Variants in CHCHD6 observed in about 807,000 individuals in gnomAD.
The protein encoded by CHCHD6 is coiled-coil-helix-coiled-coil-helix domain containing 6.
In CHCHD6, 28 loss-of-function variants were observed where a neutral mutation model predicts 32.3. The ratio of observed to expected loss-of-function variants is 0.87; its 90% confidence interval spans 0.64 to 1.19. CHCHD6 has a LOEUF of 1.19. CHCHD6 is among the 50% of genes most tolerant of loss of function. The pLI is 0.00. For missense variants in CHCHD6, 333 were observed against 307.0 expected, an observed-to-expected ratio of 1.08 and a Z score of -0.63; for synonymous variants, 122 against 117.5, an observed-to-expected ratio of 1.04 and a Z score of -0.25.
intron 2 of CHCHD6, 22 bp from the exon 3 acceptor site, chr3:126,730,539 C>G (rs773939758): frequency 5.6e-6 from 9 of 1,610,708 alleles, no homozygotes; most frequent in South Asian, 1.1e-5. Context: ...CTGACAGGCC[C>G]TTTCTTCTCT....
intron 5 of CHCHD6, among the ~76,000 whole-genome samples, chr3:126,897,085 A>C (rs546700202): frequency 6.6e-6 from 1 of 152,336 alleles, no homozygotes; most frequent in East Asian, 1.9e-4. Flanking sequence ...GATGAGGGGC[A>C]GAGCATCAGT....
chr3:126,787,292 T>C (rs1186567824), intron 4 of CHCHD6, among the ~76,000 whole-genome samples: 13 of 152,204 alleles, frequency 8.5e-5, no homozygotes, highest in East Asian at 1.9e-4. Flanking sequence ...GGCTTAGGAT[T>C]GACTTGGCAA....
At position 126,726,967 on chromosome 3, in the gene CHCHD6, C is replaced by G. The variant is rs889888148; in HGVS notation, c.88-111C>G. On this transcript the variant is annotated intron_variant, in intron 1 of 7. Coordinates refer to ENST00000290913, the MANE Select transcript of CHCHD6 (RefSeq NM_032343.3). ...GTAGAATTGCTTTGTTGGAGTTGGTCTTGAGGAAGCAGCGCATTCAGTAAA... is the reference window on the plus strand; with the variant it reads ...GTAGAATTGCTTTGTTGGAGTTGGTGTTGAGGAAGCAGCGCATTCAGTAAA... 7.7e-5 allele frequency: 57 copies of G among 737,660 alleles called. No homozygotes were observed. In the African/African-American group the frequency reaches 9.9e-4, roughly 13 times the overall value. 45.7% of individuals were successfully genotyped at this position (737,660 alleles called of 1,614,324 possible). A position where few individuals can be genotyped will look rare whatever the true frequency, so the allele number is the denominator to read the frequency against.
At chr3:126,868,187 T>C (rs1942353203) in intron 5 of CHCHD6, among the ~76,000 whole-genome samples, 1 of 152,214 alleles carries the variant, frequency 6.6e-6, no homozygotes, top group Non-Finnish European at 1.5e-5. Flanking sequence ...AGAGTCCAGC[T>C]CAGGTCCTGG....
intron 5 of CHCHD6, among the ~76,000 whole-genome samples, chr3:126,864,527 ACCTCCTCCTCCTTCTCCACCTCCT>A (rs1942161386): frequency 4.4e-5 from 5 of 113,762 alleles, no homozygotes; most frequent in African/African-American, 6.9e-5. Flanking sequence ...CACCTCCACC[ACCTCCTCCTCCTTCTCCACCTCCT>A]CCTCCTCCTC....
At chr3:126,810,562 T>A (rs1379866742) in intron 4 of CHCHD6, among the ~76,000 whole-genome samples, 1 of 152,198 alleles carries the variant, frequency 6.6e-6, no homozygotes, top group Non-Finnish European at 1.5e-5. Flanking sequence ...CACCTAGGAT[T>A]GGGTACTAGA....
intron 5 of CHCHD6, among the ~76,000 whole-genome samples, chr3:126,859,525 A>C (rs1019958711): frequency 2.6e-5 from 4 of 152,184 alleles, no homozygotes; most frequent in African/African-American, 9.7e-5. Context: ...TCAGACAGGG[A>C]GTTCTGTGTC....
At chr3:126,870,945 T>G (rs1005572515) in intron 5 of CHCHD6, among the ~76,000 whole-genome samples, 1 of 152,236 alleles carries the variant, frequency 6.6e-6, no homozygotes, top group Admixed American at 6.5e-5. Flanking sequence ...CATCTTCCCA[T>G]TTTGTCTGAA....
At chr3:126,735,191 C>G (rs890590759) in intron 4 of CHCHD6, among the ~76,000 whole-genome samples, 4 of 152,092 alleles carry the variant, frequency 2.6e-5, no homozygotes, top group Admixed American at 2.0e-4. Context: ...AAGATTACAA[C>G]CTACAGGTCT....
chr3:126,791,740 G>A (rs929661416), intron 4 of CHCHD6, among the ~76,000 whole-genome samples: 1 of 152,218 alleles, frequency 6.6e-6, no homozygotes, highest in Non-Finnish European at 1.5e-5. Context: ...CTCCCAAGTA[G>A]CTGGGATTAC....
At chr3:126,766,018 G>A (rs996761127) in intron 4 of CHCHD6, among the ~76,000 whole-genome samples, 6 of 152,134 alleles carry the variant, frequency 3.9e-5, no homozygotes, top group African/African-American at 1.4e-4. Context: ...TCCTGTAAGG[G>A]ACATTTTTTC....
At chr3:126,883,753 G>A (rs2107574404) in intron 5 of CHCHD6, among the ~76,000 whole-genome samples, 1 of 152,304 alleles carries the variant, frequency 6.6e-6, no homozygotes, top group African/African-American at 2.4e-5. Context: ...CTAATTCTAA[G>A]CCTGTTTTCT....
At chr3:126,892,120 C>G (rs139317560) in intron 5 of CHCHD6, among the ~76,000 whole-genome samples, 3 of 152,212 alleles carry the variant, frequency 2.0e-5, no homozygotes, top group Admixed American at 6.5e-5. Flanking sequence ...AGCAAGACAC[C>G]GGGGGGATCC....
chr3:126,812,397 C>T (rs1317197848), intron 4 of CHCHD6, among the ~76,000 whole-genome samples: 2 of 149,364 alleles, frequency 1.3e-5, no homozygotes, highest in African/African-American at 2.5e-5. Context: ...TCTAGTATAA[C>T]CCAAGATGTT....
At position 126,831,084 on chromosome 3, in the gene CHCHD6, C is replaced by T. The variant is rs1055717687; in HGVS notation, c.412-21563C>T. On this transcript the variant is annotated intron_variant, in intron 4 of 7. Coordinates refer to ENST00000290913, the MANE Select transcript of CHCHD6 (RefSeq NM_032343.3). Reference sequence around the variant, plus strand: ...TTTTGCTCAGGCTGGAGTGTGGTGGCGCAATCTCAGCTCACTGCAAGCTCC... The same window carrying T: ...TTTTGCTCAGGCTGGAGTGTGGTGGTGCAATCTCAGCTCACTGCAAGCTCC... 3.3e-5 allele frequency among the ~76,000 whole-genome samples: 5 copies of T among 151,282 alleles called. No homozygotes were observed. The East Asian group carries it at 5.8e-4, about 18-fold the overall frequency.
intron 5 of CHCHD6, among the ~76,000 whole-genome samples, chr3:126,884,565 G>A (rs896213822): frequency 6.6e-6 from 1 of 152,182 alleles, no homozygotes; most frequent in African/African-American, 2.4e-5. Context: ...AAAAGCAGGT[G>A]TGTTGTTTTC....
chr3:126,778,926 ATTTT>A (rs71150453), intron 4 of CHCHD6, among the ~76,000 whole-genome samples: 4 of 133,140 alleles, frequency 3.0e-5, no homozygotes, highest in African/African-American at 2.8e-5. Context: ...GGCTCATTAA[ATTTT>A]TTTTTTTTTT....
At chr3:126,877,705 G>A (rs1052247509) in intron 5 of CHCHD6, among the ~76,000 whole-genome samples, 5 of 152,198 alleles carry the variant, frequency 3.3e-5, no homozygotes, top group Non-Finnish European at 1.5e-5. Context: ...ATTTAAACAA[G>A]CACAAATGAG....
At chr3:126,850,660 A>G (rs747706974) in intron 4 of CHCHD6, among the ~76,000 whole-genome samples, 10 of 152,284 alleles carry the variant, frequency 6.6e-5, no homozygotes, top group Admixed American at 2.0e-4. Flanking sequence ...TTGCCTTCAG[A>G]TGTCATCTTC....
Sources: gnomAD v4.1 joint callset for allele counts (sites outside exome capture counted in the v4.1 genomes callset) on GRCh38, gnomAD v4.1.1 for gene constraint, MANE v1.5 for transcripts, NCBI Gene and HGNC (gene_info 2026-07-23, HGNC 2026-07-21) for gene names.